The following LRRC72 variants were observed in gnomAD, a reference collection of about 807,000 sequenced individuals.
The protein encoded by LRRC72 is leucine rich repeat containing 72, also known as leucine-rich repeat-containing protein 72.
LRRC72 carries 41 observed loss-of-function variants against 35.8 expected under a neutral mutation model. The observed-to-expected ratio is 1.15, with a 90% CI of 0.89 to 1.49. The LOEUF (loss-of-function observed/expected upper bound fraction) is 1.49, where lower values mean the gene tolerates loss of function less well. Among genes scored for constraint, LRRC72 ranks in the 40% most tolerant of loss-of-function variants. The probability of loss-of-function intolerance (pLI) is 0.00; values close to 1 mark genes in which losing one functional copy is unlikely to be tolerated. For synonymous variants in LRRC72, 118 were observed against 119.2 expected (o/e 0.99, Z 0.07); for missense variants, 389 against 330.7 (o/e 1.18, Z -1.37).
intron 3 of LRRC72, among the ~76,000 whole-genome samples, 190 bp downstream of exon 3, chr7:16,537,886 G>T (rs368675017): frequency 6.6e-6 from 1 of 151,914 alleles, no homozygotes; most frequent in South Asian, 2.1e-4. Context: ...ATACACACAT[G>T]AGATACATTG....
intron 3 of LRRC72, among the ~76,000 whole-genome samples, chr7:16,543,492 T>C (rs985770153): frequency 6.6e-6 from 1 of 152,236 alleles, no homozygotes; most frequent in Non-Finnish European, 1.5e-5. Flanking sequence ...TGTCCATTCG[T>C]GTCTATTCTT....
chr7:16,563,996 T>C (rs1458570305), intron 5 of LRRC72, among the ~76,000 whole-genome samples: 19 of 152,186 alleles, frequency 1.2e-4, no homozygotes, highest in Admixed American at 1.2e-3. Context: ...TTTTTAAATT[T>C]CCATATAGAA....
intron 7 of LRRC72, among the ~76,000 whole-genome samples, chr7:16,568,418 G>A (rs1486721739): frequency 6.6e-6 from 1 of 152,078 alleles, no homozygotes; most frequent in African/African-American, 2.4e-5. Flanking sequence ...AAAATAGTTT[G>A]GAAGAAATTA....
chr7:16,564,525 G>C (rs1405296965), intron 5 of LRRC72, among the ~76,000 whole-genome samples: 1 of 150,778 alleles, frequency 6.6e-6, no homozygotes, highest in Non-Finnish European at 1.5e-5. Flanking sequence ...AAAAAAAAAA[G>C]TTTTATTTTT....
intron 3 of LRRC72, among the ~76,000 whole-genome samples, chr7:16,546,684 A>T (rs527607108): frequency 6.6e-6 from 1 of 152,104 alleles, no homozygotes; most frequent in Non-Finnish European, 1.5e-5. Context: ...ATTACCTGCC[A>T]TCTCTTGCTG....
At chr7:16,565,593 G>T (rs1782816712) in intron 5 of LRRC72, among the ~76,000 whole-genome samples, 1 of 152,134 alleles carries the variant, frequency 6.6e-6, no homozygotes, top group Non-Finnish European at 1.5e-5. Flanking sequence ...ATAACTATGT[G>T]CTGATTCCCA....
intron 3 of LRRC72, among the ~76,000 whole-genome samples, chr7:16,543,925 T>C (rs1157089208): frequency 1.3e-5 from 2 of 152,226 alleles, no homozygotes; most frequent in Non-Finnish European, 2.9e-5. Context: ...AGAAAATTAA[T>C]GATGTTTCTT....
At chr7:16,557,894 A>T (rs542854902) in intron 4 of LRRC72, among the ~76,000 whole-genome samples, 33 of 152,318 alleles carry the variant, frequency 2.2e-4, no homozygotes, top group African/African-American at 7.7e-4. Flanking sequence ...GCATACCATG[A>T]TCATGAAATA....
At chr7:16,575,803 C>G (rs1476536887) in intron 7 of LRRC72, among the ~76,000 whole-genome samples, 1 of 152,120 alleles carries the variant, frequency 6.6e-6, no homozygotes, top group African/African-American at 2.4e-5. Context: ...TAGAAAATCT[C>G]CCCTCTTAAA....
intron 5 of LRRC72, 145 bp downstream of exon 5, chr7:16,559,144 A>C: frequency 2.0e-6 from 1 of 501,608 alleles, no homozygotes; most frequent in Non-Finnish European, 3.6e-6. Context: ...CTGTAATCTC[A>C]GTGCTTAGGC....
intron 5 of LRRC72, 24 bp from the exon 6 acceptor site, chr7:16,566,285 ATTTT>A: frequency 7.1e-7 from 1 of 1,407,408 alleles, no homozygotes; most frequent in Non-Finnish European, 9.6e-7. Flanking sequence ...GAAATCTGAC[ATTTT>A]TATTTTGGAT....
In LRRC72 at chr7:16,567,382, A is replaced by G; in HGVS notation, c.518-9A>G. On this transcript the variant is annotated splice_polypyrimidine_tract_variant and intron_variant, in intron 6 of 8. Coordinates refer to ENST00000401542, the MANE Select transcript of LRRC72 (RefSeq NM_001195280.2). ...GTTATGCAATAACATTACTTTTTGC[A>G]TTTATCAGAAGTTACAGAAAAAGAA... 1.4e-6 allele frequency: 2 copies of G among 1,452,136 alleles called. No individual in the cohort carries two copies. Among genetic ancestry groups the G allele is most frequent in the Non-Finnish European group, 1.8e-6 (2 of 1,094,662 alleles). The allele number at this position is 1,452,136 out of a possible 1,614,324, so 90.0% of individuals were successfully genotyped here. A position where few individuals can be genotyped will look rare whatever the true frequency, so the allele number is the denominator to read the frequency against.
intron 8 of LRRC72, among the ~76,000 whole-genome samples, 159 bp from the exon 9 acceptor site, chr7:16,581,165 G>A (rs751620080): frequency 6.6e-6 from 1 of 152,126 alleles, no homozygotes; most frequent in Non-Finnish European, 1.5e-5. Flanking sequence ...TAGCCTGAAA[G>A]TCATTTGTCA....
intron 8 of LRRC72, among the ~76,000 whole-genome samples, chr7:16,580,598 C>A (rs1341264075): frequency 5.9e-5 from 9 of 152,146 alleles, no homozygotes; most frequent in Admixed American, 5.9e-4. Context: ...GAGCCTAAAT[C>A]ATGCCACTGA....
intron 5 of LRRC72, among the ~76,000 whole-genome samples, chr7:16,562,629 T>G (rs916653054): frequency 1.3e-5 from 2 of 152,180 alleles, no homozygotes; most frequent in Non-Finnish European, 2.9e-5. Context: ...CCTGCCGTTG[T>G]CTTCAGCAGT....
At position 16,532,475 on chromosome 7, in the gene LRRC72, G is replaced by C. The variant is rs115777752; in HGVS notation, c.91-20G>C. 2 of 1,535,832 alleles carry C rather than the reference G, an allele frequency of 1.3e-6. No homozygotes were observed. Among genetic ancestry groups the C allele is most frequent in the South Asian group, 1.2e-5 (1 of 83,746 alleles). ...TTGTTCATTGGAATGTAGTTTGACAGATTAATTATATGTTATCAGGCAGTT... is the reference window on the plus strand; with the variant it reads ...TTGTTCATTGGAATGTAGTTTGACACATTAATTATATGTTATCAGGCAGTT... On this transcript the variant is annotated intron_variant, in intron 1 of 8. Transcript: ENST00000401542.
chr7:16,574,125 G>A (rs1028297423), intron 7 of LRRC72, among the ~76,000 whole-genome samples: 4 of 152,146 alleles, frequency 2.6e-5, no homozygotes, highest in Non-Finnish European at 4.4e-5. Context: ...AGTTAGAATG[G>A]CAATCATTAA....
chr7:16,560,061 G>A (rs1031183060), intron 5 of LRRC72, among the ~76,000 whole-genome samples: 3 of 152,026 alleles, frequency 2.0e-5, no homozygotes, highest in Non-Finnish European at 2.9e-5. Context: ...GTCTTGAAGG[G>A]TAAATAAACA....
intron 3 of LRRC72, among the ~76,000 whole-genome samples, chr7:16,554,732 C>T (rs1239927168): frequency 6.6e-6 from 1 of 152,134 alleles, no homozygotes; most frequent in Non-Finnish European, 1.5e-5. Context: ...TCACAAACAC[C>T]GCAATCCTAT....
Sources: gnomAD v4.1 joint callset for allele counts (sites outside exome capture counted in the v4.1 genomes callset) on GRCh38, gnomAD v4.1.1 for gene constraint, MANE v1.5 for transcripts, NCBI Gene and HGNC (gene_info 2026-07-23, HGNC 2026-07-21) for gene names.